FAM227B: variants seen among roughly 807,000 people sequenced by gnomAD.
The protein encoded by FAM227B is family with sequence similarity 227 member B.
Under a neutral mutation model 73.8 loss-of-function variants are expected in FAM227B, and 88 were observed. The observed-to-expected ratio is 1.19, with a 90% CI of 1.00 to 1.42. The LOEUF is 1.42. Among genes scored for constraint, FAM227B ranks in the 40% most tolerant of loss-of-function variants. The probability of loss-of-function intolerance (pLI) is 0.00; values close to 1 mark genes in which losing one functional copy is unlikely to be tolerated. For missense variants in FAM227B, 632 were observed against 590.9 expected, an observed-to-expected ratio of 1.07 and a Z score of -0.72; for synonymous variants, 210 against 190.5, an observed-to-expected ratio of 1.10 and a Z score of -0.84.
At chr15:49,498,827 T>A (rs1038993352) in intron 11 of FAM227B, among the ~76,000 whole-genome samples, 1 of 152,214 alleles carries the variant, frequency 6.6e-6, no homozygotes, top group South Asian at 2.1e-4. Flanking sequence ...TATTCTTATA[T>A]CAGACAAAAC....
intron 10 of FAM227B, among the ~76,000 whole-genome samples, chr15:49,511,728 G>A (rs1054300231): frequency 6.6e-6 from 1 of 152,044 alleles, no homozygotes; most frequent in Non-Finnish European, 1.5e-5. Flanking sequence ...CTGTTCCTGG[G>A]TTAGTTCAGG....
chr15:49,463,391 T>C (rs1441850963), intron 11 of FAM227B, among the ~76,000 whole-genome samples: 1 of 151,792 alleles, frequency 6.6e-6, no homozygotes, highest in Non-Finnish European at 1.5e-5. Flanking sequence ...CCACTTCTAC[T>C]AAAAATACAA....
chr15:49,485,843 T>G (rs1194324671), intron 11 of FAM227B: 2 of 152,110 alleles, frequency 1.3e-5, no homozygotes, highest in African/African-American at 4.8e-5. Context: ...TATTTAAATT[T>G]AGTAATTTTC....
chr15:49,559,917 C>T (rs1014717000), intron 9 of FAM227B, among the ~76,000 whole-genome samples: 1 of 150,718 alleles, frequency 6.6e-6, no homozygotes, highest in Admixed American at 6.6e-5. Context: ...GCCTGGGTGA[C>T]AGAGCGAGAC....
chr15:49,589,873 T>G lies in FAM227B; in HGVS notation c.240A>C (p.Ala80=). The part of the protein sequence containing the change: ...LWENVPRIFE[A]LLIMESKLKE... Reference sequence around the variant, plus strand: ...TTAATTTTGATTCCATGATCAAAAGTGCTTCAAATATTCGAGGAACATTTT... The same window carrying G: ...TTAATTTTGATTCCATGATCAAAAGGGCTTCAAATATTCGAGGAACATTTT... The change falls in exon 4 of 16, where the codon GCA becomes GCC. Residue 80 remains alanine (A), a synonymous_variant. Coordinates refer to ENST00000299338, the MANE Select transcript of FAM227B (RefSeq NM_152647.3). 1 of 1,607,514 alleles carries G rather than the reference T, an allele frequency of 6.2e-7. No homozygotes were observed. Among genetic ancestry groups the G allele is most frequent in the Non-Finnish European group, 8.5e-7 (1 of 1,174,040 alleles).
At chr15:49,375,651 T>C (rs891516387) in intron 11 of FAM227B, among the ~76,000 whole-genome samples, 2 of 152,130 alleles carry the variant, frequency 1.3e-5, no homozygotes, top group African/African-American at 4.8e-5. Flanking sequence ...AAGAAACTTA[T>C]TGACCCATTT....
chr15:49,555,329 G>GAT (rs2073540827), intron 9 of FAM227B, among the ~76,000 whole-genome samples: 1 of 152,170 alleles, frequency 6.6e-6, no homozygotes. Flanking sequence ...AGTTTGGCTG[G>GAT]ATATTAATTC....
At chr15:49,607,111 C>T (rs1312123193) in intron 3 of FAM227B, among the ~76,000 whole-genome samples, 2 of 152,068 alleles carry the variant, frequency 1.3e-5, no homozygotes, top group Admixed American at 1.3e-4. Context: ...TGGTCTGTTC[C>T]ATCTCCTTTT....
intron 10 of FAM227B, among the ~76,000 whole-genome samples, chr15:49,539,516 A>G (rs1045921813): frequency 3.9e-5 from 6 of 152,180 alleles, no homozygotes; most frequent in Non-Finnish European, 1.5e-5. Flanking sequence ...CAGTAGGGAC[A>G]TTGGTGCCTG....
At chr15:49,602,593 G>C (rs1013840001) in intron 3 of FAM227B, among the ~76,000 whole-genome samples, 1 of 152,082 alleles carries the variant, frequency 6.6e-6, no homozygotes, top group Non-Finnish European at 1.5e-5. Context: ...CATTCTATGG[G>C]CTGTCTCTTC....
intron 11 of FAM227B, chr15:49,422,768 T>C (rs1041538470): frequency 5.3e-6 from 7 of 1,330,746 alleles, no homozygotes; most frequent in Non-Finnish European, 4.2e-6. Context: ...ATGAATTGTC[T>C]CTGTATGATG....
At chr15:49,464,729 T>G (rs1232556126) in intron 11 of FAM227B, among the ~76,000 whole-genome samples, 1 of 152,166 alleles carries the variant, frequency 6.6e-6, no homozygotes. Context: ...ATGGACACTA[T>G]CAGGAAGAAT....
At chr15:49,399,121 AAGAG>A (rs1348805764) in intron 11 of FAM227B, among the ~76,000 whole-genome samples, 7 of 147,854 alleles carry the variant, frequency 4.7e-5, no homozygotes, top group Admixed American at 4.7e-4. Flanking sequence ...TAAAGAAAAA[AAGAG>A]AGAAGAATCA....
chr15:49,331,724 C>A, intron 15 of FAM227B, 56 bp downstream of exon 15: 1 of 1,065,364 alleles, frequency 9.4e-7, no homozygotes, highest in South Asian at 1.3e-5. Context: ...ATTGTCCAGT[C>A]TATATAAAAG....
At chr15:49,602,174 T>C (rs887982930) in intron 3 of FAM227B, among the ~76,000 whole-genome samples, 1 of 151,664 alleles carries the variant, frequency 6.6e-6, no homozygotes, top group Non-Finnish European at 1.5e-5. Context: ...GTGGGACTGC[T>C]AGATTGTATG....
At chr15:49,540,069 GTCTC>G (rs1361192114) in intron 10 of FAM227B, among the ~76,000 whole-genome samples, 5 of 151,538 alleles carry the variant, frequency 3.3e-5, no homozygotes, top group African/African-American at 1.2e-4. Flanking sequence ...GAGCACAGCA[GTCTC>G]TCTCTCTCTC....
intron 13 of FAM227B, among the ~76,000 whole-genome samples, chr15:49,347,417 TC>T (rs1433543858): frequency 8.5e-5 from 13 of 152,208 alleles, no homozygotes; most frequent in African/African-American, 3.1e-4. Flanking sequence ...GCTTCTCCTT[TC>T]TACTATAGCA....
Position 49,366,267 on chromosome 15 carries a change from T to A in FAM227B, c.1271+1181A>T, listed in dbSNP as rs74357970. The A allele has an allele frequency of 9.7e-3, 7,624 of 786,860 alleles. 408 individuals are homozygous for A. In the African/African-American group the frequency reaches 0.12, roughly 12 times the overall value. 48.7% of individuals were successfully genotyped at this position (786,860 alleles called of 1,614,324 possible). On this transcript the variant is annotated intron_variant, in intron 13 of 15. Coordinates refer to ENST00000299338, the MANE Select transcript of FAM227B (RefSeq NM_152647.3). Reference sequence around the variant, plus strand: ...ATATCTATAAAGTCTTTGTCACTTATAAATGCAATCAGTATTTTCACATCA... The same window carrying A: ...ATATCTATAAAGTCTTTGTCACTTAAAAATGCAATCAGTATTTTCACATCA...
At position 49,469,192 on chromosome 15, in the gene FAM227B, T is replaced by C. The variant is rs182877586; in HGVS notation, c.1012+39019A>G. ...GAGTCATTTATTTTCTTATAAGACA[T>C]TTGTCTATAACAGTTGATATAAAAT... On this transcript the variant is annotated intron_variant, in intron 11 of 15. Transcript: ENST00000299338. Among the ~76,000 whole-genome samples the C allele has an allele frequency of 2.8e-3, 425 of 152,300 alleles. 8 individuals are homozygous for C. The highest frequency in any genetic ancestry group is 1.6e-3 in the Non-Finnish European group (110 of 67,998).
Sources: gnomAD v4.1 joint callset for allele counts (sites outside exome capture counted in the v4.1 genomes callset) on GRCh38, gnomAD v4.1.1 for gene constraint, MANE v1.5 for transcripts, NCBI Gene and HGNC (gene_info 2026-07-23, HGNC 2026-07-21) for gene names.